ACTL8: variants seen among roughly 807,000 people sequenced by gnomAD.
ACTL8 encodes the protein actin-like protein 8.
A neutral mutation model predicts 9.3 loss-of-function variants in ACTL8; 3 were observed. That is an observed-to-expected ratio of 0.32 (90% CI 0.15 to 0.83). The LOEUF (loss-of-function observed/expected upper bound fraction) is 0.83, where lower values mean the gene tolerates loss of function less well. ACTL8 is among the 40% of genes least tolerant of loss of function. ACTL8 has a pLI of 0.57. For missense variants in ACTL8, 381 were observed against 492.2 expected (o/e 0.77, Z 2.14); for synonymous variants, 224 against 205.9 (o/e 1.09, Z -0.75).
chr1:17,802,951 C>G (rs1388318723), intron 1 of ACTL8, among the ~76,000 whole-genome samples: 2 of 152,170 alleles, frequency 1.3e-5, no homozygotes, highest in East Asian at 1.9e-4. Flanking sequence ...TGCCATTGTA[C>G]TCCAGCCTGG....
chr1:17,775,306 C>T (rs1314064090), intron 1 of ACTL8, among the ~76,000 whole-genome samples: 1 of 152,178 alleles, frequency 6.6e-6, no homozygotes, highest in African/African-American at 2.4e-5. Flanking sequence ...GCCACCCCAT[C>T]CCTCCCCACT....
At chr1:17,783,350 T>G (rs1014736832) in intron 1 of ACTL8, among the ~76,000 whole-genome samples, 1 of 127,362 alleles carries the variant, frequency 7.9e-6, no homozygotes, top group African/African-American at 3.4e-5. Context: ...TTTTTTTGTT[T>G]TGTTTTTTTT....
chr1:17,791,530 G>A (rs530334882), intron 1 of ACTL8, among the ~76,000 whole-genome samples: 1 of 152,322 alleles, frequency 6.6e-6, no homozygotes, highest in East Asian at 1.9e-4. Flanking sequence ...TTTTGAGTCA[G>A]CTCAAGTGCC....
chr1:17,799,080 T>C (rs1166562734), intron 1 of ACTL8, among the ~76,000 whole-genome samples: 2 of 152,170 alleles, frequency 1.3e-5, no homozygotes, highest in Admixed American at 1.3e-4. Flanking sequence ...AATGATGCTG[T>C]AGAGAATGCC....
chr1:17,817,044 TTTTTG>T (rs1225381655), intron 1 of ACTL8, among the ~76,000 whole-genome samples: 3 of 152,120 alleles, frequency 2.0e-5, no homozygotes, highest in African/African-American at 4.8e-5. Flanking sequence ...GTTGTTGGGT[TTTTTG>T]TTTTGTTTTG....
intron 1 of ACTL8, among the ~76,000 whole-genome samples, chr1:17,780,736 G>C (rs1260857381): frequency 6.9e-6 from 1 of 144,756 alleles, no homozygotes; most frequent in Non-Finnish European, 1.5e-5. Flanking sequence ...GCAGGGGTGG[G>C]AGTGTGTTTT....
intron 1 of ACTL8, among the ~76,000 whole-genome samples, chr1:17,811,558 G>GT (rs2066392925): frequency 6.6e-6 from 1 of 152,018 alleles, no homozygotes; most frequent in African/African-American, 2.4e-5. Flanking sequence ...ATGTTCTTAT[G>GT]TTTTTTGCAG....
At chr1:17,787,771 C>T (rs1402007138) in intron 1 of ACTL8, among the ~76,000 whole-genome samples, 2 of 152,080 alleles carry the variant, frequency 1.3e-5, no homozygotes, top group Non-Finnish European at 2.9e-5. Context: ...TAATCCCAGG[C>T]ATTGGATTGC....
intron 1 of ACTL8, among the ~76,000 whole-genome samples, chr1:17,817,559 C>T (rs901869265): frequency 6.6e-6 from 1 of 152,158 alleles, no homozygotes; most frequent in Non-Finnish European, 1.5e-5. Context: ...GCCCTCCTCC[C>T]TGGCCATTCT....
chr1:17,762,979 C>A (rs995651884), intron 1 of ACTL8, among the ~76,000 whole-genome samples: 9 of 152,108 alleles, frequency 5.9e-5, no homozygotes, highest in Admixed American at 1.3e-4. Context: ...ATTCCTCGTT[C>A]GCCTTTTGGG....
chr1:17,763,581 A>G (rs2066022789), intron 1 of ACTL8, among the ~76,000 whole-genome samples: 1 of 152,144 alleles, frequency 6.6e-6, no homozygotes, highest in South Asian at 2.1e-4. Flanking sequence ...GGAGGGCTGC[A>G]GATCCCCCTG....
chr1:17,803,235 C>T (rs866185919), intron 1 of ACTL8, among the ~76,000 whole-genome samples: 5 of 152,136 alleles, frequency 3.3e-5, no homozygotes, highest in Non-Finnish European at 5.9e-5. Context: ...TCCTTGCTGC[C>T]GCCATGTGAA....
Position 17,825,945 on chromosome 1 carries a change from C to T in ACTL8, c.527C>T (p.Ala176Val). 6.2e-7 allele frequency: 1 copy of T among 1,611,336 alleles called. No homozygotes were observed. Among genetic ancestry groups the T allele is most frequent in the South Asian group, 1.1e-5 (1 of 91,086 alleles). ...GCCAGCGGCAAGACGCTGGAGTTCG[C>T]CGGCCAGGATCTCTCCGCCTATCTC... ...LPASGKTLEF[A>V]GQDLSAYLLK... is the part of the protein sequence containing the mutation. Residue 176 changes from alanine to valine, a missense_variant, in exon 3 of 3, where the codon GCC becomes GTC. Coordinates refer to ENST00000375406, the MANE Select transcript of ACTL8 (RefSeq NM_030812.3).
At chr1:17,784,976 G>A (rs1186557910) in intron 1 of ACTL8, among the ~76,000 whole-genome samples, 4 of 152,350 alleles carry the variant, frequency 2.6e-5, no homozygotes, top group Non-Finnish European at 4.4e-5. Context: ...ATGGATGGCA[G>A]CAGGCAAAGA....
In ACTL8 at chr1:17,826,707, G is replaced by A. The variant is rs1419339636; in HGVS notation, c.*188G>A. On this transcript the variant is annotated 3_prime_UTR_variant, in exon 3 of 3. Coordinates refer to ENST00000375406, the MANE Select transcript of ACTL8 (RefSeq NM_030812.3). This position sits in a 1 kb window ranked among gnomAD's most constrained non-coding sequence, Gnocchi z 4.5. The stretch of plus-strand genomic sequence containing the variant: ...TGTTGCAAGAGTGGGACCTACCCAA[G>A]GGGGAAGACAAGATGTCATCCTTGG... 1.9e-6 allele frequency: 1 copy of A among 519,054 alleles called. No homozygotes were observed. The highest frequency in any genetic ancestry group is 1.9e-5 in the African/African-American group (1 of 52,432). The allele number at this position is 519,054 out of a possible 1,614,324, so 32.2% of individuals were successfully genotyped here.
chr1:17,811,753 C>G (rs991273477), intron 1 of ACTL8, among the ~76,000 whole-genome samples: 5 of 152,168 alleles, frequency 3.3e-5, no homozygotes, highest in African/African-American at 4.8e-5. Flanking sequence ...GTACCTTTGT[C>G]AAAATCAATT....
At chr1:17,776,969 ATTTTTTTTTT>A (rs765972298) in intron 1 of ACTL8, among the ~76,000 whole-genome samples, 13,569 of 49,520 alleles carry the variant, frequency 0.27, 1,471 homozygotes, top group Admixed American at 0.35. Flanking sequence ...CTGGCTAATG[ATTTTTTTTTT>A]TTTTTTTTTT....
chr1:17,774,069 C>T (rs1570001474), intron 1 of ACTL8, among the ~76,000 whole-genome samples: 1 of 152,164 alleles, frequency 6.6e-6, no homozygotes, highest in East Asian at 1.9e-4. Context: ...GTGGACATTG[C>T]TGTCATGGCC....
At chr1:17,821,817 G>T (rs1028459692) in intron 1 of ACTL8, among the ~76,000 whole-genome samples, 1 of 152,048 alleles carries the variant, frequency 6.6e-6, no homozygotes, top group African/African-American at 2.4e-5. Context: ...GTAGAGATGG[G>T]GTTTCATCAT....
Sources: gnomAD v4.1 joint callset for allele counts (sites outside exome capture counted in the v4.1 genomes callset) on GRCh38, gnomAD v4.1.1 for gene constraint, Gnocchi (gnomAD v3.1) non-coding constraint, MANE v1.5 for transcripts, NCBI Gene and HGNC (gene_info 2026-07-23, HGNC 2026-07-21) for gene names.